RIC3: variants seen among roughly 807,000 people sequenced by gnomAD.
RIC3 encodes the protein RIC3 acetylcholine receptor chaperone.
Under a neutral mutation model 27.3 loss-of-function variants are expected in RIC3, and 28 were observed. That is an observed-to-expected ratio of 1.02 (90% confidence interval 0.76 to 1.41). RIC3 has a LOEUF of 1.41. Among genes scored for constraint, RIC3 ranks in the 40% most tolerant of loss-of-function variants. The pLI, the probability that RIC3 is intolerant of heterozygous loss-of-function variation, is 0.00. For synonymous variants in RIC3, 184 were observed against 160.4 expected (o/e 1.15, Z -1.11); for missense variants, 501 against 444.7 (o/e 1.13, Z -1.14).
chr11:8,123,102 AAGATTAAC>A (rs1452386909), intron 5 of RIC3, among the ~76,000 whole-genome samples: 8 of 152,132 alleles, frequency 5.3e-5, no homozygotes, highest in African/African-American at 1.7e-4. Flanking sequence ...AACACTGAAT[AAGATTAAC>A]AGTGGGTTAG....
the RIC3 span, chr11:8,095,455 C>T: frequency 6.4e-7 from 1 of 1,567,222 alleles, no homozygotes; most frequent in Non-Finnish European, 8.7e-7. Flanking sequence ...AGGCCCTCCT[C>T]TCCTCCTCCT....
Position 8,165,691 on chromosome 11 carries a change from T to A in RIC3, c.124+3175A>T, listed in dbSNP as rs1191855424. ...TGGGTGAATTGTATGATATATAAAT[T>A]AGATCTCAAGAAAGCTGTTATCAAA... On this transcript the variant is annotated intron_variant, in intron 1 of 5. Transcript: ENST00000309737. 2.7e-5 allele frequency among the ~76,000 whole-genome samples: 4 copies of A among 147,422 alleles called. No homozygotes were observed. The East Asian group carries it at 8.0e-4, about 30-fold the overall frequency.
Position 8,106,766 on chromosome 11 carries a change from T to C in RIC3, c.*3932A>G, listed in dbSNP as rs2133970564. 6.6e-6 allele frequency: 1 copy of C among 152,286 alleles called. No homozygotes were observed. The highest frequency in any genetic ancestry group is 1.9e-4 in the East Asian group (1 of 5,178). The allele number at this position is 152,286 out of a possible 1,614,324, so 9.4% of individuals were successfully genotyped here. ...CTACAGTTGTAGCTAGAAGCAGACA[T>C]GAAAGCTAATGGTCTGACCCAGACA... On this transcript the variant is annotated 3_prime_UTR_variant, in exon 6 of 6. Transcript: ENST00000309737.
chr11:8,117,784 A>G (rs1054758636), intron 5 of RIC3, among the ~76,000 whole-genome samples: 2 of 152,150 alleles, frequency 1.3e-5, no homozygotes, highest in African/African-American at 4.8e-5. Context: ...ACATATATCA[A>G]AACATCAATA....
At chr11:8,141,895 T>C (rs1485237641) in intron 1 of RIC3, among the ~76,000 whole-genome samples, 2 of 151,704 alleles carry the variant, frequency 1.3e-5, no homozygotes, top group African/African-American at 2.4e-5. Flanking sequence ...CTCAACTACA[T>C]GGAAACTGAA....
rs1945166447 is a variant in RIC3, at chr11:8,110,875, C to T, written c.933G>A (p.Glu311=). 1.9e-6 allele frequency: 3 copies of T among 1,614,162 alleles called. No individual in the cohort carries two copies. In the African/African-American group the frequency reaches 4.0e-5, roughly 22 times the overall value. The part of the protein sequence containing the change: ...ETCSCCFHED[E]DPAVLAENAG... ...CATTCTCTGCCAAGACAGCAGGATC[C>T]TCGTCTTCATGAAAACAGCAGGAAC... Residue 311 remains glutamate, a synonymous_variant, in exon 6 of 6, where the codon GAG becomes GAA. Transcript: ENST00000309737.
intron 1 of RIC3, among the ~76,000 whole-genome samples, chr11:8,142,274 C>T (rs1200563093): frequency 3.8e-5 from 5 of 133,264 alleles, no homozygotes; most frequent in Admixed American, 2.3e-4. Context: ...ATTGATAGAC[C>T]GCTAGCAACA....
At chr11:8,150,667 C>T (rs572463068) in intron 1 of RIC3, among the ~76,000 whole-genome samples, 1 of 152,202 alleles carries the variant, frequency 6.6e-6, no homozygotes, top group African/African-American at 2.4e-5. Context: ...AATGCGCTAG[C>T]CAAAGATGAC....
intron 5 of RIC3, among the ~76,000 whole-genome samples, chr11:8,116,611 G>C (rs1945885846): frequency 6.6e-6 from 1 of 152,174 alleles, no homozygotes. Flanking sequence ...GATATAAATA[G>C]ACACTTCTCA....
intron 1 of RIC3, among the ~76,000 whole-genome samples, chr11:8,141,257 C>A (rs1262392182): frequency 6.6e-6 from 1 of 151,838 alleles, no homozygotes; most frequent in Admixed American, 6.6e-5. Context: ...AAGTCAAGAC[C>A]CAACAGTGTG....
At chr11:8,149,544 G>T (rs1950036226) in intron 1 of RIC3, among the ~76,000 whole-genome samples, 1 of 152,158 alleles carries the variant, frequency 6.6e-6, no homozygotes, top group Admixed American at 6.5e-5. Flanking sequence ...AGAAACTAGG[G>T]TCTGGGAAAA....
At chr11:8,123,027 GAATA>G (rs1286573486) in intron 5 of RIC3, among the ~76,000 whole-genome samples, 15 of 151,886 alleles carry the variant, frequency 9.9e-5, no homozygotes, top group Admixed American at 5.2e-4. Context: ...AGTAAAATAT[GAATA>G]AATGAGACAT....
chr11:8,139,149 C>G (rs368247119), intron 2 of RIC3: 1 of 152,440 alleles, frequency 6.6e-6, no homozygotes, highest in East Asian at 1.9e-4. Context: ...AATCTCCCTA[C>G]AGGTCATCTT....
rs2133980217 is a variant in RIC3 at position 8,107,485 on chromosome 11, C to A, written c.*3213G>T. On this transcript the variant is annotated 3_prime_UTR_variant, in exon 6 of 6. Transcript: ENST00000309737. ...GACAGGGGTGACCCTACGTCCAGGA[C>A]AGTCTTAGTTTATGCCTATCACCTT... 6.6e-6 allele frequency: 1 copy of A among 152,328 alleles called. No individual in the cohort carries two copies. The highest frequency in any genetic ancestry group is 2.1e-4 in the South Asian group (1 of 4,830). The allele number at this position is 152,328 out of a possible 1,614,324, so 9.4% of individuals were successfully genotyped here.
chr11:8,155,211 C>G (rs1258962469), intron 1 of RIC3, among the ~76,000 whole-genome samples: 1 of 130,734 alleles, frequency 7.6e-6, no homozygotes, highest in Middle Eastern at 3.2e-3. Flanking sequence ...AACAGGAGAC[C>G]CCATCTTAAA....
At chr11:8,149,024 C>CAAAAAAAAAAA (rs34536745) in intron 1 of RIC3, among the ~76,000 whole-genome samples, 5 of 96,072 alleles carry the variant, frequency 5.2e-5, no homozygotes, top group Admixed American at 1.2e-4. Context: ...ACTAAAAATA[C>CAAAAAAAAAAA]AAAAAAAAAA....
chr11:8,168,330 T>C (rs1951921324), intron 1 of RIC3, among the ~76,000 whole-genome samples: 1 of 152,064 alleles, frequency 6.6e-6, no homozygotes, highest in Non-Finnish European at 1.5e-5. Flanking sequence ...GAAACTGGGG[T>C]TATTAAAATC....
At chr11:8,099,608 C>T in the RIC3 span, among the ~76,000 whole-genome samples, 6 of 152,136 alleles carry the variant, frequency 3.9e-5, no homozygotes, top group Non-Finnish European at 8.8e-5. Flanking sequence ...AAATGTATAC[C>T]TTTATGGGAC....
At chr11:8,094,184 A>G in the RIC3 span, 2 of 1,611,946 alleles carry the variant, frequency 1.2e-6, no homozygotes, top group Non-Finnish European at 1.7e-6. Flanking sequence ...AAGGGAAAGC[A>G]CAAAGGTCAG....
Sources: allele counts gnomAD v4.1 joint callset (sites outside exome capture counted in the v4.1 genomes callset), GRCh38; gene constraint gnomAD v4.1.1; transcripts MANE v1.5; gene names NCBI Gene and HGNC (gene_info 2026-07-23, HGNC 2026-07-21).